Variants in UMAD1 observed in about 807,000 individuals in gnomAD.
The protein encoded by UMAD1 is UBAP1-MVB12-associated (UMA)-domain containing protein 1.
Under a neutral mutation model 6.1 loss-of-function variants are expected in UMAD1, and 8 were observed. The ratio of observed to expected loss-of-function variants is 1.30; its 90% CI spans 0.76 to 2.35. The LOEUF (loss-of-function observed/expected upper bound fraction) is 2.35. UMAD1 is among the 30% of genes most tolerant of loss of function. The pLI, the probability that UMAD1 is intolerant of heterozygous loss-of-function variation, is 0.00. For missense variants in UMAD1, 130 were observed against 78.4 expected (o/e 1.66, Z -2.49); for synonymous variants, 56 against 31.4 (o/e 1.78, Z -2.61).
intron 2 of UMAD1, among the ~76,000 whole-genome samples, chr7:7,777,441 G>C (rs1474790478): frequency 6.7e-6 from 1 of 150,028 alleles, no homozygotes; most frequent in African/African-American, 2.5e-5. Context: ...GGGAGGTGGT[G>C]GTTGCAGTGA....
At chr7:7,684,653 T>C (rs1319432218) in intron 2 of UMAD1, among the ~76,000 whole-genome samples, 1 of 152,238 alleles carries the variant, frequency 6.6e-6, no homozygotes, top group Non-Finnish European at 1.5e-5. Context: ...GGAAGCATTT[T>C]ATTAAATTAA....
intron 2 of UMAD1, among the ~76,000 whole-genome samples, chr7:7,716,710 C>A (rs1780914042): frequency 6.6e-6 from 1 of 152,190 alleles, no homozygotes; most frequent in Non-Finnish European, 1.5e-5. Flanking sequence ...CTTTGGGAGG[C>A]CGAGGCAGGC....
intron 1 of UMAD1, among the ~76,000 whole-genome samples, chr7:7,660,623 A>G (rs1016670285): frequency 4.6e-5 from 7 of 152,188 alleles, no homozygotes; most frequent in African/African-American, 1.2e-4. Context: ...AATGTTGACT[A>G]TTGGCCCCAC....
chr7:7,714,594 A>G (rs1780845340), intron 2 of UMAD1, among the ~76,000 whole-genome samples: 2 of 152,200 alleles, frequency 1.3e-5, no homozygotes, highest in African/African-American at 4.8e-5. Context: ...TGATTTGTAA[A>G]TATCTTTAAA....
At chr7:7,774,750 AT>A (rs1490885647) in intron 2 of UMAD1, among the ~76,000 whole-genome samples, 1 of 152,128 alleles carries the variant, frequency 6.6e-6, no homozygotes, top group Admixed American at 6.6e-5. Flanking sequence ...AACTCTTGTC[AT>A]CCTTCTCAAG....
intron 1 of UMAD1, among the ~76,000 whole-genome samples, chr7:7,664,345 A>G (rs1188414537): frequency 6.6e-6 from 1 of 152,012 alleles, no homozygotes; most frequent in Non-Finnish European, 1.5e-5. Flanking sequence ...GGCTCTTCTC[A>G]GTCTCTCTAG....
intron 2 of UMAD1, among the ~76,000 whole-genome samples, chr7:7,724,956 T>A (rs932592404): frequency 1.1e-4 from 16 of 152,206 alleles, no homozygotes; most frequent in African/African-American, 3.9e-4. Context: ...GTCCATTACA[T>A]TGATGACATT....
chr7:7,664,751 G>A (rs796967200), intron 1 of UMAD1, among the ~76,000 whole-genome samples: 9 of 152,252 alleles, frequency 5.9e-5, no homozygotes, highest in African/African-American at 2.2e-4. Context: ...TTCTAGCGTT[G>A]TTTTAGGTTG....
intron 2 of UMAD1, among the ~76,000 whole-genome samples, chr7:7,701,115 A>G (rs1417626427): frequency 6.6e-6 from 1 of 152,168 alleles, no homozygotes; most frequent in Non-Finnish European, 1.5e-5. Context: ...TTTGGTTAAT[A>G]TTCCAGTTGT....
At chr7:7,681,138 A>G (rs1457596318) in intron 2 of UMAD1, among the ~76,000 whole-genome samples, 1 of 152,222 alleles carries the variant, frequency 6.6e-6, no homozygotes, top group Admixed American at 6.5e-5. Flanking sequence ...TATGGACACC[A>G]CAGAATTTGT....
chr7:7,875,760 A>C (rs1563279469), intron 3 of UMAD1, among the ~76,000 whole-genome samples: 2 of 152,228 alleles, frequency 1.3e-5, no homozygotes, highest in Non-Finnish European at 2.9e-5. Context: ...TGATCTAGGC[A>C]TGTGGAATAC....
intron 2 of UMAD1, among the ~76,000 whole-genome samples, chr7:7,780,793 C>T (rs1325356762): frequency 6.6e-6 from 1 of 152,132 alleles, no homozygotes; most frequent in Non-Finnish European, 1.5e-5. Context: ...GTTCCATGCA[C>T]TTGTAGTTTG....
intron 2 of UMAD1, chr7:7,738,971 CTGT>C (rs973517024): frequency 4.6e-5 from 7 of 152,278 alleles, no homozygotes; most frequent in Admixed American, 6.5e-5. Context: ...GAATGAAATC[CTGT>C]TGTTTGGATT....
intron 3 of UMAD1, among the ~76,000 whole-genome samples, chr7:7,825,090 G>A (rs1583853259): frequency 6.6e-6 from 1 of 151,998 alleles, no homozygotes; most frequent in East Asian, 1.9e-4. Flanking sequence ...TTATATCCTT[G>A]ACCTCTAAGG....
At chr7:7,762,794 T>C (rs1205623323) in intron 2 of UMAD1, among the ~76,000 whole-genome samples, 1 of 152,216 alleles carries the variant, frequency 6.6e-6, no homozygotes, top group East Asian at 1.9e-4. Context: ...AACTCTTCAC[T>C]TTCCTGGGCT....
chr7:7,708,576 CTT>C (rs1780667193), intron 2 of UMAD1, among the ~76,000 whole-genome samples: 1 of 152,094 alleles, frequency 6.6e-6, no homozygotes, highest in Non-Finnish European at 1.5e-5. Flanking sequence ...GAAAGGAAAC[CTT>C]TAAAAATAAG....
chr7:7,749,303 A>T (rs1781633266), intron 2 of UMAD1, among the ~76,000 whole-genome samples: 1 of 152,176 alleles, frequency 6.6e-6, no homozygotes, highest in African/African-American at 2.4e-5. Flanking sequence ...AGGTTTTTAT[A>T]ATCTCACCTC....
intron 2 of UMAD1, among the ~76,000 whole-genome samples, chr7:7,757,088 A>C (rs969658844): frequency 2.0e-5 from 3 of 152,238 alleles, no homozygotes; most frequent in African/African-American, 7.2e-5. Context: ...TTAACAGATG[A>C]ATGATGTAAA....
At chr7:7,756,424 A>G (rs1378999742) in intron 2 of UMAD1, among the ~76,000 whole-genome samples, 1 of 152,244 alleles carries the variant, frequency 6.6e-6, no homozygotes, top group Non-Finnish European at 1.5e-5. Context: ...CTGTTGACAC[A>G]TATAACCAAA....
Sources: gnomAD v4.1 joint callset for allele counts (sites outside exome capture counted in the v4.1 genomes callset) on GRCh38, gnomAD v4.1.1 for gene constraint, MANE v1.5 for transcripts, NCBI Gene and HGNC (gene_info 2026-07-23, HGNC 2026-07-21) for gene names.